Variants in LTBP4 observed in about 807,000 individuals in gnomAD.
LTBP4 encodes latent transforming growth factor beta binding protein 4, also known as latent-transforming growth factor beta-binding protein 4.
Under a neutral mutation model 180.2 loss-of-function variants are expected in LTBP4, and 93 were observed. That is an observed-to-expected ratio of 0.52 (90% CI 0.44 to 0.61). LTBP4 has a LOEUF of 0.61. LTBP4 is among the 20% of genes least tolerant of loss of function. The pLI is 0.00. For synonymous variants in LTBP4, 947 were observed against 934.5 expected, an observed-to-expected ratio of 1.01 and a Z score of -0.24; for missense variants, 2,116 against 2,256.5, an observed-to-expected ratio of 0.94 and a Z score of 1.26.
At position 40,611,197 on chromosome 19, in the gene LTBP4, C is replaced by T. The variant is rs1051299; in HGVS notation, c.1856C>T (p.Ala619Val). 1.9e-6 allele frequency: 3 copies of T among 1,613,624 alleles called. No homozygotes were observed. The Admixed American group carries it at 5.0e-5, about 27-fold the overall frequency. The part of the protein sequence containing the change: ...TQSPGLCGRG[A>V]CKNLPGSFRC... ...AGCCCAGGCCTGTGTGGCCGAGGGG[C>T]CTGCAAGAACCTGCCTGGCTCTTTC... Residue 619 changes from alanine (A) to valine (V), a missense_variant, in exon 13 of 30, where the codon GCC (alanine) becomes GTC (valine). Physicochemically the swap from Ala to Val is moderately conservative, Grantham distance 64 (BLOSUM62 0). Transcript: ENST00000396819. The surrounding 1 kb of genome is among the most constrained non-coding windows in gnomAD (Gnocchi z 4.4).
In LTBP4 at chr19:40,611,332, G is replaced by A; in HGVS notation, c.1991G>A (p.Gly664Asp). 1 of 1,611,748 alleles carries A rather than the reference G, an allele frequency of 6.2e-7. No individual in the cohort carries two copies. Among genetic ancestry groups the A allele is most frequent in the South Asian group, 1.1e-5 (1 of 90,972 alleles). The change falls in exon 13 of 30, where the codon GGC (glycine) becomes GAC (aspartate). Residue 664 changes from glycine to aspartate, a missense_variant. This residue lies in a region of LTBP4 where 877 missense variants were observed against 873.6 expected (regional missense o/e 1.00). Transcript: ENST00000396819. This position sits in a 1 kb window ranked among gnomAD's most constrained non-coding sequence, Gnocchi z 4.4. Reference protein sequence around the residue: ...CGPGRCDNTAGSFHCACPAGF... With the variant: ...CGPGRCDNTADSFHCACPAGF... The stretch of plus-strand genomic sequence containing the variant: ...CCCGGCCGCTGTGACAACACGGCAG[G>A]CTCCTTTCACTGTGCCTGCCCTGCT...
In LTBP4 at chr19:40,623,003, G is replaced by A. The variant is rs2081597341; in HGVS notation, c.3538G>A (p.Asp1180Asn). Residue 1180 changes from aspartate (D) to asparagine (N), a missense_variant, in exon 24 of 30, where the codon GAC (aspartate) becomes AAC (asparagine). By Grantham distance (23) the Asp-to-Asn change is conservative. Coordinates refer to ENST00000396819, the MANE Select transcript of LTBP4 (RefSeq NM_001042545.2). ...CCGGGGCTACCTGGCGCCCAGTGGAGACCTGAGCCTCCGGAGAGGTGAGGC... is the reference window on the plus strand; with the variant it reads ...CCGGGGCTACCTGGCGCCCAGTGGAAACCTGAGCCTCCGGAGAGGTGAGGC... ...HGRGYLAPSG[D>N]LSLRRDVDEC... 1.2e-6 allele frequency: 2 copies of A among 1,612,310 alleles called. No individual in the cohort carries two copies. Among genetic ancestry groups the A allele is most frequent in the East Asian group, 4.5e-5 (2 of 44,838 alleles).
Position 40,614,058 on chromosome 19 carries a change from C to A in LTBP4, c.2680+20C>A, listed in dbSNP as rs771263281. The stretch of plus-strand genomic sequence containing the variant: ...GCCTCGGTGAGAGGCCCCGCCCCGG[C>A]CTGATCCCTCCTCCCTTCGACTCCC... On this transcript the variant is annotated intron_variant, in intron 18 of 29. Coordinates refer to ENST00000396819, the MANE Select transcript of LTBP4 (RefSeq NM_001042545.2). 1.9e-5 allele frequency: 31 copies of A among 1,610,900 alleles called. No individual in the cohort carries two copies. The highest frequency in any genetic ancestry group is 1.8e-5 in the Non-Finnish European group (21 of 1,179,276).
chr19:40,598,122 C>T (rs1599856098), upstream of LTBP4, among the ~76,000 whole-genome samples: 1 of 151,734 alleles, frequency 6.6e-6, no homozygotes, highest in African/African-American at 2.4e-5. Context: ...CCCCCACCCA[C>T]CCTCCCCGCC....
intron 6 of LTBP4, among the ~76,000 whole-genome samples, chr19:40,607,040 T>G (rs1048065486): frequency 4.6e-5 from 7 of 152,186 alleles, no homozygotes; most frequent in African/African-American, 1.7e-4. Context: ...CGTAAGCCAC[T>G]GCGCCCAGCT....
At position 40,627,738 on chromosome 19, in the gene LTBP4, C is replaced by T. The variant is rs148715056; in HGVS notation, c.4400C>T (p.Ala1467Val). The T allele has an allele frequency of 1.2e-3, 1,966 of 1,596,872 alleles. 21 individuals carry two copies. In the African/African-American group the frequency reaches 0.024, roughly 20 times the overall value. Residue 1467 changes from alanine (A) to valine (V), a missense_variant, in exon 29 of 30, where the codon GCG (alanine) becomes GTG (valine). Coordinates refer to ENST00000396819, the MANE Select transcript of LTBP4 (RefSeq NM_001042545.2). The part of the protein sequence containing the change: ...SLAEPYEELE[A>V]EECGILDGCT... ...GCTGAGCCCTACGAGGAGCTGGAGG[C>T]GGAGGAGTGCGGGATCCTGGACGGC...
Position 40,611,498 on chromosome 19 carries a change from GA to G in LTBP4, c.2053+106del, listed in dbSNP as rs1271610910. On this transcript the variant is annotated intron_variant, in intron 13 of 29. Transcript: ENST00000396819. This position sits in a 1 kb window ranked among gnomAD's most constrained non-coding sequence, Gnocchi z 4.4. ...CAGAGTGATGGGGCTCAGGGATGGAGAACAGGGGCTGAGGGATGGGGACCTC... is the reference window on the plus strand; with the variant it reads ...CAGAGTGATGGGGCTCAGGGATGGAGACAGGGGCTGAGGGATGGGGACCTC... 5 of 1,473,464 alleles carry G rather than the reference GA, an allele frequency of 3.4e-6. No individual in the cohort carries two copies. In the East Asian group the frequency reaches 1.1e-4, roughly 34 times the overall value. The allele number at this position is 1,473,464 out of a possible 1,614,324, so 91.3% of individuals were successfully genotyped here. A position where few individuals can be genotyped will look rare whatever the true frequency, so the allele number is the denominator to read the frequency against.
chr19:40,624,159 A>G (rs1303328180), intron 26 of LTBP4, 77 bp downstream of exon 26: 3 of 1,436,154 alleles, frequency 2.1e-6, no homozygotes, highest in Non-Finnish European at 2.8e-6. Flanking sequence ...CACCTTTGCG[A>G]CGGCCACGCC....
At chr19:40,606,361 G>T in intron 5 of LTBP4, 43 bp from the exon 6 acceptor site, 4 of 1,604,612 alleles carry the variant, frequency 2.5e-6, no homozygotes, top group Non-Finnish European at 3.4e-6. Context: ...GATTTGCAGG[G>T]ATCAAGTTCC....
chr19:40,603,225 C>A (rs2081436364), intron 1 of LTBP4, among the ~76,000 whole-genome samples: 1 of 152,184 alleles, frequency 6.6e-6, no homozygotes, highest in South Asian at 2.1e-4. Context: ...ACTTCTGATC[C>A]CATTTATCTT....
chr19:40,626,154 A>C, intron 27 of LTBP4, 145 bp downstream of exon 27: 1 of 913,682 alleles, frequency 1.1e-6, no homozygotes. Context: ...CCATCCCAAA[A>C]TCTTGGTCCC....
upstream of LTBP4, chr19:40,599,659 T>G: frequency 9.4e-7 from 1 of 1,069,090 alleles, no homozygotes; most frequent in Non-Finnish European, 1.3e-6. Context: ...CTCTCCCCCC[T>G]CCCTCCCCGG....
rs1406286831 is a variant in LTBP4 at position 40,609,633 on chromosome 19, G to A, written c.1530G>A (p.Arg510=). ...CCTGCGCTTGCGACTCTGGCTTCCG[G>A]CTCAGCCCCCAGGGCACCCGATGCA... ...GYTCACDSGF[R]LSPQGTRCID... is the part of the protein sequence containing the mutation. The change falls in exon 10 of 30, where the codon CGG becomes CGA. Residue 510 remains arginine (R), a synonymous_variant. Coordinates refer to ENST00000396819, the MANE Select transcript of LTBP4 (RefSeq NM_001042545.2). This position sits in a 1 kb window ranked among gnomAD's most constrained non-coding sequence, Gnocchi z 4.9. 6.2e-7 allele frequency: 1 copy of A among 1,613,268 alleles called. No individual in the cohort carries two copies. Among genetic ancestry groups the A allele is most frequent in the East Asian group, 2.2e-5 (1 of 44,884 alleles).
At chr19:40,598,520 G>T (rs2081403433), upstream of LTBP4, 1 of 152,812 alleles carries the variant, frequency 6.5e-6, no homozygotes, top group Non-Finnish European at 1.5e-5. Context: ...AGACCCTCTG[G>T]GCTGGGAGAT....
At chr19:40,601,664 G>C in intron 1 of LTBP4, 27 bp downstream of exon 1, 1 of 1,330,116 alleles carries the variant, frequency 7.5e-7, no homozygotes, top group Non-Finnish European at 9.6e-7. Flanking sequence ...GGTCCCGAGA[G>C]AGCGGCTCCG....
At position 40,605,516 on chromosome 19, in the gene LTBP4, T is replaced by TGGCGCGGGCGGAAGCGGC. The variant is rs780900225; in HGVS notation, c.567_584dup (p.Arg193_Ala198dup). 23 of 1,609,128 alleles carry TGGCGCGGGCGGAAGCGGC rather than the reference T, an allele frequency of 1.4e-5. No individual in the cohort carries two copies. Among genetic ancestry groups the TGGCGCGGGCGGAAGCGGC allele is most frequent in the Non-Finnish European group, 1.7e-5 (20 of 1,178,576 alleles). On this transcript the variant is annotated inframe_insertion, in exon 3 of 30. Coordinates refer to ENST00000396819, the MANE Select transcript of LTBP4 (RefSeq NM_001042545.2). The surrounding 1 kb of genome is among the most constrained non-coding windows in gnomAD (Gnocchi z 5.5). ...TGGGAGGAGGCGGACGCTGAGGCGG[T>TGGCGCGGGCGGAAGCGGC]GGCGCGGGCGGAAGCGGCGGCGCGG... is the stretch of plus-strand genomic sequence containing the variant.
At chr19:40,610,725 A>G (rs891781390) in intron 12 of LTBP4, 68 bp downstream of exon 12, 1 of 1,514,070 alleles carries the variant, frequency 6.6e-7, no homozygotes, top group African/African-American at 1.4e-5. Context: ...GATGAGGGCC[A>G]GAGAGACTGA....
chr19:40,607,728 C>A (rs866160206), intron 7 of LTBP4, among the ~76,000 whole-genome samples, 199 bp downstream of exon 7: 11 of 152,342 alleles, frequency 7.2e-5, no homozygotes, highest in Middle Eastern at 3.4e-3. Flanking sequence ...CACAGCCACC[C>A]CTCCATTCGT....
intron 1 of LTBP4, among the ~76,000 whole-genome samples, chr19:40,593,623 AG>A (rs1193244090): frequency 1.3e-5 from 2 of 150,990 alleles, no homozygotes; most frequent in African/African-American, 4.9e-5. Context: ...TCTAGTATGT[AG>A]GGGGAGGGCC....
Sources: gnomAD v4.1 joint callset for allele counts (sites outside exome capture counted in the v4.1 genomes callset) on GRCh38, gnomAD v4.1.1 for gene constraint, gnomAD v4.1.1 regional missense constraint, Gnocchi (gnomAD v3.1) non-coding constraint, MANE v1.5 for transcripts, NCBI Gene and HGNC (gene_info 2026-07-23, HGNC 2026-07-21) for gene names.